Variants in DOCK1 observed in about 807,000 individuals in gnomAD.
DOCK1 encodes dedicator of cytokinesis protein 1.
DOCK1 carries 138 observed loss-of-function variants against 262.7 expected under a neutral mutation model. That is an observed-to-expected ratio of 0.53 (90% CI 0.46 to 0.61). DOCK1 has a LOEUF of 0.61. DOCK1 is among the 20% of genes least tolerant of loss of function. The probability of loss-of-function intolerance (pLI) is 0.00; values close to 1 mark genes in which losing one functional copy is unlikely to be tolerated. For missense variants in DOCK1, 1,908 were observed against 2,370.7 expected, an observed-to-expected ratio of 0.80 and a Z score of 4.05; for synonymous variants, 866 against 867.4, an observed-to-expected ratio of 1.00 and a Z score of 0.03.
At chr10:127,028,636 T>A (rs1044063045) in intron 16 of DOCK1, among the ~76,000 whole-genome samples, 1 of 152,142 alleles carries the variant, frequency 6.6e-6, no homozygotes, top group Non-Finnish European at 1.5e-5. Context: ...TTTTATTGAG[T>A]TCCTGCTGTA....
chr10:126,906,762 G>A (rs1370246205), intron 1 of DOCK1, among the ~76,000 whole-genome samples: 1 of 152,198 alleles, frequency 6.6e-6, no homozygotes, highest in Non-Finnish European at 1.5e-5. Context: ...TGTCCCCGGA[G>A]CGCTCTCCTT....
chr10:127,098,647 A>G (rs2048053055), intron 23 of DOCK1, among the ~76,000 whole-genome samples: 3 of 152,168 alleles, frequency 2.0e-5, no homozygotes, highest in Admixed American at 2.0e-4. Flanking sequence ...ACAGCACCCC[A>G]GAGCCCTGAC....
At chr10:127,430,584 C>T (rs2134619364) in intron 47 of DOCK1, among the ~76,000 whole-genome samples, 1 of 152,266 alleles carries the variant, frequency 6.6e-6, no homozygotes, top group South Asian at 2.1e-4. Flanking sequence ...CCTGCTGGGC[C>T]TGCCCATCTT....
chr10:127,363,495 A>G (rs2064713329), intron 33 of DOCK1, among the ~76,000 whole-genome samples: 1 of 152,132 alleles, frequency 6.6e-6, no homozygotes, highest in Admixed American at 6.5e-5. Context: ...TAAATATTAA[A>G]AATTATTATA....
At chr10:127,191,811 T>C (rs932402803) in intron 27 of DOCK1, among the ~76,000 whole-genome samples, 7 of 152,226 alleles carry the variant, frequency 4.6e-5, no homozygotes, top group Admixed American at 1.3e-4. Context: ...CTCTCTGGGA[T>C]GTGCCTGTCC....
At position 127,403,126 on chromosome 10, in the gene DOCK1, G is replaced by A; in HGVS notation, c.3999G>A (p.Glu1333=). The A allele has an allele frequency of 6.2e-7, 1 of 1,610,748 alleles. No homozygotes were observed. The highest frequency in any genetic ancestry group is 8.5e-7 in the Non-Finnish European group (1 of 1,178,606). Residue 1333 remains glutamate, a synonymous_variant, in exon 39 of 52, where the codon GAG becomes GAA. Coordinates refer to ENST00000623213, the MANE Select transcript of DOCK1 (RefSeq NM_001290223.2). ...EQYENEMFDY[E]QLSELLKKQA... is the part of the protein sequence containing the mutation. ...ATGAGAACGAAATGTTTGATTATGAGCAACTCAGCGAATTGCTGGTGAGTC... is the reference window on the plus strand; with the variant it reads ...ATGAGAACGAAATGTTTGATTATGAACAACTCAGCGAATTGCTGGTGAGTC...
intron 24 of DOCK1, among the ~76,000 whole-genome samples, chr10:127,106,755 AT>A (rs957083362): frequency 6.6e-6 from 1 of 152,030 alleles, no homozygotes; most frequent in African/African-American, 2.4e-5. Context: ...TAAGAAAATA[AT>A]TTTTAGAAAA....
At position 127,026,357 on chromosome 10, in the gene DOCK1, CA is replaced by C. The variant is rs1162935431; in HGVS notation, c.1558del (p.Ile520PhefsTer33). The C allele has an allele frequency of 6.4e-7, 1 of 1,565,746 alleles. No individual in the cohort carries two copies. On this transcript the variant is annotated frameshift_variant, in exon 16 of 52. Coordinates refer to ENST00000623213, the MANE Select transcript of DOCK1 (RefSeq NM_001290223.2). LOFTEE classifies it high-confidence loss of function. ...TTCTTTTTCAATTCTTGAAGGTGGC[CA>C]TTCCCATCGAGGACGTTAACCGCAG... The part of the protein sequence containing the change: ...PRWFETVKVA[I>X]PIEDVNRSHL...
intron 22 of DOCK1, among the ~76,000 whole-genome samples, chr10:127,054,984 A>G (rs575959846): frequency 1.1e-4 from 16 of 152,324 alleles, no homozygotes; most frequent in African/African-American, 3.4e-4. Flanking sequence ...CCAGTAGCAA[A>G]TTATTTCTCT....
At chr10:127,386,517 A>C (rs4750845) in intron 38 of DOCK1, among the ~76,000 whole-genome samples, 119,986 of 150,050 alleles carry the variant, frequency 0.8, 48,061 homozygotes, top group African/African-American at 0.85. Flanking sequence ...GGAGAATGAT[A>C]CCTATTGTGA....
intron 27 of DOCK1, among the ~76,000 whole-genome samples, chr10:127,166,277 G>A (rs905002338): frequency 5.9e-5 from 9 of 152,088 alleles, no homozygotes; most frequent in Non-Finnish European, 8.8e-5. Context: ...GTGTTAGGCA[G>A]GATGGTCTCG....
At chr10:127,059,202 A>G (rs7913775) in intron 22 of DOCK1, among the ~76,000 whole-genome samples, 68,955 of 151,904 alleles carry the variant, frequency 0.45, 15,896 homozygotes, top group Middle Eastern at 0.56. Context: ...TTGAATTTAA[A>G]TGGTATTATT....
intron 29 of DOCK1, among the ~76,000 whole-genome samples, chr10:127,295,265 G>A (rs148080565): frequency 4.6e-5 from 7 of 152,276 alleles, no homozygotes; most frequent in African/African-American, 1.4e-4. Context: ...AAGGAGAGCA[G>A]GTATGACACA....
chr10:127,107,340 A>T (rs1234246789), intron 24 of DOCK1, among the ~76,000 whole-genome samples: 1 of 152,126 alleles, frequency 6.6e-6, no homozygotes, highest in African/African-American at 2.4e-5. Context: ...TATGTCTACC[A>T]TAGGTCACTC....
At chr10:127,001,092 CT>C (rs1368928760) in intron 10 of DOCK1, 2 of 152,196 alleles carry the variant, frequency 1.3e-5, no homozygotes, top group Non-Finnish European at 2.9e-5. Context: ...GGTTTTCTCT[CT>C]TTTATGGTTG....
At chr10:127,438,159 G>A (rs894382077) in intron 48 of DOCK1, among the ~76,000 whole-genome samples, 1 of 152,196 alleles carries the variant, frequency 6.6e-6, no homozygotes, top group Non-Finnish European at 1.5e-5. Flanking sequence ...CTTAGAGTTG[G>A]ATCCATTTCT....
At chr10:127,329,384 G>A (rs11017352) in intron 29 of DOCK1, among the ~76,000 whole-genome samples, 19 of 152,226 alleles carry the variant, frequency 1.2e-4, no homozygotes, top group African/African-American at 4.3e-4. Context: ...GGGGTGCTGA[G>A]GCGGAGGTCT....
rs1439203918 is a variant in DOCK1, at chr10:127,248,071, T to TTGA, written c.2913_2915dup (p.Leu971_Ile972insMet). ...AATGGAAGATTACCATTATGCCCAC[T>TTGA]TGATCAAGACTTTTGGGAAAATGAG... On this transcript the variant is annotated inframe_insertion, in exon 28 of 52. Coordinates refer to ENST00000623213, the MANE Select transcript of DOCK1 (RefSeq NM_001290223.2). 2 of 1,613,932 alleles carry TTGA rather than the reference T, an allele frequency of 1.2e-6. No homozygotes were observed. The highest frequency in any genetic ancestry group is 2.7e-5 in the African/African-American group (2 of 74,950).
intron 31 of DOCK1, among the ~76,000 whole-genome samples, chr10:127,351,249 G>C (rs1264479761): frequency 6.6e-6 from 1 of 152,010 alleles, no homozygotes; most frequent in East Asian, 1.9e-4. Flanking sequence ...TCACACCGTG[G>C]GTGGGCTCAG....
Sources: allele counts gnomAD v4.1 joint callset (sites outside exome capture counted in the v4.1 genomes callset), GRCh38; gene constraint gnomAD v4.1.1; transcripts MANE v1.5; gene names NCBI Gene and HGNC (gene_info 2026-07-23, HGNC 2026-07-21).